The following LRRC4C variants were observed in gnomAD, a reference collection of about 807,000 sequenced individuals.
LRRC4C encodes the protein leucine-rich repeat-containing protein 4C.
Under a neutral mutation model 33.6 loss-of-function variants are expected in LRRC4C, and 5 were observed. The observed-to-expected ratio is 0.15, with a 90% CI of 0.08 to 0.31. The LOEUF (loss-of-function observed/expected upper bound fraction) is 0.31, where lower values mean the gene tolerates loss of function less well. Ranked by LOEUF, LRRC4C falls within the 10% of genes least tolerant of loss-of-function variation. The pLI, the probability that LRRC4C is intolerant of heterozygous loss-of-function variation, is 1.00. For missense variants in LRRC4C, 560 were observed against 796.7 expected (o/e 0.70, Z 3.58); for synonymous variants, 329 against 302.0 (o/e 1.09, Z -0.93).
chr11:41,448,692 A>G (rs1955920991), intron 1 of LRRC4C, among the ~76,000 whole-genome samples: 1 of 152,232 alleles, frequency 6.6e-6, no homozygotes, highest in African/African-American at 2.4e-5. Context: ...GGTATTATAC[A>G]TATTTTTAAA....
chr11:40,475,333 C>T (rs1010286553), intron 3 of LRRC4C, among the ~76,000 whole-genome samples: 1 of 152,068 alleles, frequency 6.6e-6, no homozygotes, highest in Non-Finnish European at 1.5e-5. Flanking sequence ...TTATCCTTCT[C>T]AGCAAACTAA....
intron 1 of LRRC4C, among the ~76,000 whole-genome samples, chr11:41,072,281 T>TCA (rs771392938): frequency 0.97 from 132,962 of 137,002 alleles, 64,930 homozygotes; most frequent in East Asian, 1. Flanking sequence ...GTGGCAAACA[T>TCA]TGAAGACCCT....
intron 3 of LRRC4C, among the ~76,000 whole-genome samples, chr11:40,441,916 A>C (rs1951412766): frequency 6.6e-6 from 1 of 152,208 alleles, no homozygotes; most frequent in Non-Finnish European, 1.5e-5. Flanking sequence ...TAATCCCAGC[A>C]CTTTGGGAGG....
At chr11:40,980,122 T>C (rs1852408473) in intron 1 of LRRC4C, among the ~76,000 whole-genome samples, 1 of 152,170 alleles carries the variant, frequency 6.6e-6, no homozygotes, top group Non-Finnish European at 1.5e-5. Context: ...CAGACAATAA[T>C]ACAATGATGC....
intron 5 of LRRC4C, among the ~76,000 whole-genome samples, chr11:40,182,079 G>A (rs1006463198): frequency 3.9e-5 from 6 of 152,180 alleles, no homozygotes; most frequent in African/African-American, 1.4e-4. Flanking sequence ...ATGTTCAAAT[G>A]TATTTCTGCC....
chr11:40,551,526 C>T (rs1957127039), intron 3 of LRRC4C, among the ~76,000 whole-genome samples: 2 of 152,066 alleles, frequency 1.3e-5, no homozygotes, highest in Admixed American at 1.3e-4. Context: ...CTCCATTTTC[C>T]TAGATATCCA....
At position 40,910,743 on chromosome 11, in the gene LRRC4C, C is replaced by G. The variant is rs530615942; in HGVS notation, c.-407+22892G>C. Among the ~76,000 whole-genome samples, 16 of 152,272 alleles carry G rather than the reference C, an allele frequency of 1.1e-4. No homozygotes were observed. The South Asian group carries it at 3.1e-3, about 30-fold the overall frequency. ...GCACCGAGCTTGAGCCGGAGCAAGGCGAGGCATCACCTCACCCAGGAAGTG... is the reference window on the plus strand; with the variant it reads ...GCACCGAGCTTGAGCCGGAGCAAGGGGAGGCATCACCTCACCCAGGAAGTG... On this transcript the variant is annotated intron_variant, in intron 2 of 6. Coordinates refer to ENST00000528697, the MANE Select transcript of LRRC4C (RefSeq NM_001258419.2).
intron 5 of LRRC4C, among the ~76,000 whole-genome samples, chr11:40,161,930 C>A (rs1457303189): frequency 6.6e-6 from 1 of 152,124 alleles, no homozygotes; most frequent in Non-Finnish European, 1.5e-5. Context: ...TGCTATAACA[C>A]AATTCCTGAG....
intron 1 of LRRC4C, among the ~76,000 whole-genome samples, chr11:41,451,391 G>A (rs1956020817): frequency 1.3e-5 from 2 of 152,046 alleles, no homozygotes; most frequent in Admixed American, 6.6e-5. Context: ...GTGTGTGTGT[G>A]TATGTGTATT....
At chr11:40,617,834 A>G (rs1962018503) in intron 3 of LRRC4C, among the ~76,000 whole-genome samples, 1 of 151,844 alleles carries the variant, frequency 6.6e-6, no homozygotes, top group East Asian at 1.9e-4. Context: ...TAAGTGTCCA[A>G]ATTTGAAAGA....
intron 3 of LRRC4C, among the ~76,000 whole-genome samples, chr11:40,407,190 T>TC (rs1343412374): frequency 6.6e-6 from 1 of 152,060 alleles, no homozygotes; most frequent in African/African-American, 2.4e-5. Context: ...GCAAAGACTA[T>TC]CCTCATTTCT....
intron 1 of LRRC4C, among the ~76,000 whole-genome samples, chr11:40,953,412 T>A (rs1258026966): frequency 2.0e-5 from 3 of 151,824 alleles, no homozygotes; most frequent in Admixed American, 6.6e-5. Context: ...AAGAAAAGTC[T>A]CCCTGACCCT....
chr11:40,693,684 G>T (rs1945337352), intron 2 of LRRC4C, among the ~76,000 whole-genome samples: 1 of 152,040 alleles, frequency 6.6e-6, no homozygotes, highest in Admixed American at 6.6e-5. Context: ...GTTATTTTGA[G>T]CCACATAGCA....
intron 3 of LRRC4C, among the ~76,000 whole-genome samples, chr11:40,544,624 G>A (rs1956846944): frequency 6.6e-6 from 1 of 151,960 alleles, no homozygotes; most frequent in Admixed American, 6.6e-5. Context: ...ACCAAATTAG[G>A]GATGTAGATT....
intron 2 of LRRC4C, among the ~76,000 whole-genome samples, chr11:40,839,652 A>C (rs7938533): frequency 0.049 from 7,455 of 152,244 alleles, 460 homozygotes; most frequent in African/African-American, 0.14. Flanking sequence ...AAAGAAGGAG[A>C]GTCATTATTC....
intron 5 of LRRC4C, among the ~76,000 whole-genome samples, chr11:40,166,828 T>C (rs1384494558): frequency 1.3e-5 from 2 of 152,260 alleles, no homozygotes; most frequent in South Asian, 2.1e-4. Flanking sequence ...ATATACTGTA[T>C]ACTGTTTTGT....
rs141749302 is a variant in LRRC4C at position 41,071,734 on chromosome 11, C to T, written c.-495-138011G>A. 3.7e-3 allele frequency among the ~76,000 whole-genome samples: 561 copies of T among 152,310 alleles called. 3 individuals are homozygous for T. Among genetic ancestry groups the T allele is most frequent in the African/African-American group, 0.012 (500 of 41,568 alleles). On this transcript the variant is annotated intron_variant, in intron 1 of 6. Coordinates refer to ENST00000528697, the MANE Select transcript of LRRC4C (RefSeq NM_001258419.2). ...TTTAAGCAATACATTTTGAAAAGCT[C>T]TAGCTACCATAGATAGTACTTCCTG... is the stretch of plus-strand genomic sequence containing the variant.
intron 2 of LRRC4C, among the ~76,000 whole-genome samples, chr11:40,722,486 C>G (rs1947070381): frequency 6.6e-6 from 1 of 152,162 alleles, no homozygotes; most frequent in East Asian, 1.9e-4. Context: ...AACCAAGAAA[C>G]CCACATTGAG....
At chr11:40,810,186 A>G (rs372832294) in intron 2 of LRRC4C, among the ~76,000 whole-genome samples, 2 of 152,192 alleles carry the variant, frequency 1.3e-5, no homozygotes, top group South Asian at 2.1e-4. Flanking sequence ...GATAAATCCA[A>G]TGTTTCTATA....
Sources: allele counts gnomAD v4.1 joint callset (sites outside exome capture counted in the v4.1 genomes callset), GRCh38; gene constraint gnomAD v4.1.1; transcripts MANE v1.5; gene names NCBI Gene and HGNC (gene_info 2026-07-23, HGNC 2026-07-21).